The following CMSS1 variants were observed in gnomAD, a reference collection of about 807,000 sequenced individuals.
The protein encoded by CMSS1 is protein CMSS1.
A neutral mutation model predicts 43.5 loss-of-function variants in CMSS1; 33 were observed. The observed-to-expected ratio is 0.76, with a 90% confidence interval of 0.57 to 1.01. The LOEUF is 1.01. Ranked by LOEUF, CMSS1 falls within the 50% of genes least tolerant of loss-of-function variation. The pLI is 0.00. For missense variants in CMSS1, 313 were observed against 326.4 expected, an observed-to-expected ratio of 0.96 and a Z score of 0.32; for synonymous variants, 115 against 117.2, an observed-to-expected ratio of 0.98 and a Z score of 0.12.
intron 1 of CMSS1, among the ~76,000 whole-genome samples, chr3:100,034,599 T>G (rs936759906): frequency 6.6e-6 from 1 of 152,212 alleles, no homozygotes; most frequent in Non-Finnish European, 1.5e-5. Context: ...TAAACATGCT[T>G]CCTTATCAGT....
intron 1 of CMSS1, among the ~76,000 whole-genome samples, chr3:100,120,808 G>A (rs2066612969): frequency 6.6e-6 from 1 of 152,046 alleles, no homozygotes; most frequent in Non-Finnish European, 1.5e-5. Flanking sequence ...TGGACACCTT[G>A]GGCAAGGAGC....
intron 1 of CMSS1, among the ~76,000 whole-genome samples, chr3:100,071,545 A>G (rs1440828602): frequency 1.3e-5 from 2 of 152,144 alleles, no homozygotes; most frequent in Admixed American, 1.3e-4. Flanking sequence ...AGAATAGCCC[A>G]AGGGTGTGGG....
chr3:99,832,276 A>G (rs1942697421), intron 1 of CMSS1, among the ~76,000 whole-genome samples: 3 of 147,236 alleles, frequency 2.0e-5, no homozygotes, highest in South Asian at 2.2e-4. Flanking sequence ...TATCACCCAG[A>G]CTGGAGTGCA....
At chr3:99,974,027 A>G (rs879485877) in intron 1 of CMSS1, among the ~76,000 whole-genome samples, 1 of 152,252 alleles carries the variant, frequency 6.6e-6, no homozygotes, top group Non-Finnish European at 1.5e-5. Context: ...CTAAGTACCA[A>G]TTCCTTCCAA....
intron 1 of CMSS1, among the ~76,000 whole-genome samples, chr3:99,863,576 A>G (rs1314674336): frequency 6.6e-6 from 1 of 152,228 alleles, no homozygotes; most frequent in African/African-American, 2.4e-5. Context: ...TGTCTGAGAA[A>G]TAGGTCATTT....
At chr3:99,825,252 CTG>C (rs1942515308) in intron 1 of CMSS1, among the ~76,000 whole-genome samples, 1 of 152,178 alleles carries the variant, frequency 6.6e-6, no homozygotes, top group Non-Finnish European at 1.5e-5. Context: ...GTTTTAGACA[CTG>C]TACCAGAATT....
chr3:100,126,445 G>C (rs139154171), intron 1 of CMSS1, among the ~76,000 whole-genome samples: 1 of 152,282 alleles, frequency 6.6e-6, no homozygotes, highest in East Asian at 1.9e-4. Flanking sequence ...ACTATGAATA[G>C]TGACCAGGTT....
chr3:100,172,466 G>A, intron 8 of CMSS1, 63 bp downstream of exon 8: 2 of 1,241,132 alleles, frequency 1.6e-6, no homozygotes, highest in Non-Finnish European at 2.3e-6. Flanking sequence ...CTACATGTGA[G>A]TCTCAGAAAC....
intron 1 of CMSS1, among the ~76,000 whole-genome samples, chr3:100,094,939 C>T (rs892444465): frequency 1.3e-5 from 2 of 151,996 alleles, no homozygotes; most frequent in African/African-American, 2.4e-5. Flanking sequence ...CCACCCGCCT[C>T]GGCCTCCCAA....
intron 1 of CMSS1, chr3:99,849,445 G>A (rs757846241): frequency 6.2e-7 from 1 of 1,614,056 alleles, no homozygotes; most frequent in Non-Finnish European, 8.5e-7. Flanking sequence ...TTGCAGGACT[G>A]AGTGATCTCC....
At chr3:99,976,645 T>A (rs1024885618) in intron 1 of CMSS1, among the ~76,000 whole-genome samples, 6 of 152,230 alleles carry the variant, frequency 3.9e-5, no homozygotes, top group African/African-American at 1.4e-4. Flanking sequence ...GCATCTTTTT[T>A]TTAAACTGTT....
chr3:99,843,170 A>G (rs1239669195), intron 1 of CMSS1, among the ~76,000 whole-genome samples: 1 of 152,200 alleles, frequency 6.6e-6, no homozygotes, highest in African/African-American at 2.4e-5. Context: ...TGGTTCATCT[A>G]ACTGCCTTAT....
intron 1 of CMSS1, among the ~76,000 whole-genome samples, chr3:100,041,711 C>G (rs2065207316): frequency 1.3e-5 from 2 of 152,272 alleles, no homozygotes; most frequent in South Asian, 4.2e-4. Flanking sequence ...GATATCCTGG[C>G]TATGAGTGAA....
intron 1 of CMSS1, among the ~76,000 whole-genome samples, chr3:100,121,341 G>T (rs999007254): frequency 1.2e-4 from 18 of 151,236 alleles, no homozygotes; most frequent in African/African-American, 4.4e-4. Context: ...AACATGAGGT[G>T]TTGGTTTTCT....
chr3:99,831,062 C>A (rs1408117799), intron 1 of CMSS1, among the ~76,000 whole-genome samples: 1 of 152,150 alleles, frequency 6.6e-6, no homozygotes, highest in East Asian at 1.9e-4. Context: ...ATTAGTGGAA[C>A]AGCTTGGTAG....
intron 1 of CMSS1, among the ~76,000 whole-genome samples, chr3:100,056,533 C>T (rs1043873061): frequency 6.6e-6 from 1 of 152,246 alleles, no homozygotes; most frequent in South Asian, 2.1e-4. Context: ...AACATTTTAG[C>T]CTCCAGGTCA....
rs202229023 is a variant in CMSS1, at chr3:99,848,960, C to A, written c.64+30917C>A. The A allele has an allele frequency of 1.2e-5, 20 of 1,613,922 alleles. No individual in the cohort carries two copies. Among genetic ancestry groups the A allele is most frequent in the Non-Finnish European group, 1.7e-5 (20 of 1,180,018 alleles). ...GTGTTTTGTACATGGTCTGGAGTAA[C>A]CTTTATATGAAGTGGCTGCCCAGGT... On this transcript the variant is annotated intron_variant, in intron 1 of 9. Coordinates refer to ENST00000421999, the MANE Select transcript of CMSS1 (RefSeq NM_032359.4).
chr3:100,028,398 T>A (rs546268143), intron 1 of CMSS1, among the ~76,000 whole-genome samples: 66 of 152,322 alleles, frequency 4.3e-4, no homozygotes, highest in African/African-American at 1.5e-3. Flanking sequence ...GTTATTGCTA[T>A]ATTCCAGGCA....
At chr3:100,025,435 T>C (rs1305750224) in intron 1 of CMSS1, 1 of 152,212 alleles carries the variant, frequency 6.6e-6, no homozygotes, top group Non-Finnish European at 1.5e-5. Context: ...CAGTGTTGTC[T>C]TCCTTCCCCA....
Sources: allele counts gnomAD v4.1 joint callset (sites outside exome capture counted in the v4.1 genomes callset), GRCh38; gene constraint gnomAD v4.1.1; transcripts MANE v1.5; gene names NCBI Gene and HGNC (gene_info 2026-07-23, HGNC 2026-07-21).